PTPRG: variants seen among roughly 807,000 people sequenced by gnomAD.
The protein encoded by PTPRG is protein tyrosine phosphatase receptor type G, also known as receptor-type tyrosine-protein phosphatase gamma.
Under a neutral mutation model 165.3 loss-of-function variants are expected in PTPRG, and 102 were observed. The observed-to-expected ratio is 0.62, with a 90% confidence interval of 0.53 to 0.73. PTPRG has a LOEUF of 0.73. Ranked by LOEUF, PTPRG falls within the 30% of genes least tolerant of loss-of-function variation. The probability of loss-of-function intolerance (pLI) is 0.00; values close to 1 mark genes in which losing one functional copy is unlikely to be tolerated. For synonymous variants in PTPRG, 675 were observed against 669.5 expected, an observed-to-expected ratio of 1.01 and a Z score of -0.13; for missense variants, 1,866 against 1,861.4, an observed-to-expected ratio of 1.00 and a Z score of -0.05.
intron 3 of PTPRG, among the ~76,000 whole-genome samples, chr3:61,998,939 A>T (rs1186499055): frequency 6.6e-6 from 1 of 152,222 alleles, no homozygotes; most frequent in East Asian, 1.9e-4. Context: ...TGGAGGTCCA[A>T]GATTAAGGCA....
At chr3:61,828,799 A>G (rs896061709) in intron 2 of PTPRG, among the ~76,000 whole-genome samples, 3 of 152,214 alleles carry the variant, frequency 2.0e-5, no homozygotes, top group Non-Finnish European at 2.9e-5. Context: ...GCACAGTGAC[A>G]GGGATTATGT....
intron 2 of PTPRG, among the ~76,000 whole-genome samples, chr3:61,915,424 C>A (rs965661992): frequency 6.6e-6 from 1 of 152,086 alleles, no homozygotes; most frequent in Admixed American, 6.5e-5. Flanking sequence ...CTGTTGACTT[C>A]AATATGGCAG....
chr3:61,767,487 T>C (rs1020202873), intron 2 of PTPRG, among the ~76,000 whole-genome samples: 5 of 152,304 alleles, frequency 3.3e-5, no homozygotes, highest in African/African-American at 9.6e-5. Context: ...CTTGGCAGAA[T>C]ATGTTTTACA....
At chr3:62,104,500 CTTTA>C (rs1702406146) in intron 5 of PTPRG, among the ~76,000 whole-genome samples, 3 of 152,180 alleles carry the variant, frequency 2.0e-5, no homozygotes. Context: ...ATTATCTTGA[CTTTA>C]TTTATTTGCT....
chr3:61,861,377 C>G (rs137926796), intron 2 of PTPRG, among the ~76,000 whole-genome samples: 4 of 152,124 alleles, frequency 2.6e-5, no homozygotes, highest in African/African-American at 9.7e-5. Context: ...CAAAATCCCA[C>G]GAAGGCATTG....
intron 5 of PTPRG, among the ~76,000 whole-genome samples, chr3:62,106,238 G>T (rs775218078): frequency 1.3e-5 from 2 of 152,118 alleles, no homozygotes; most frequent in African/African-American, 2.4e-5. Context: ...GTTGGGGAGG[G>T]CATCACCAAT....
intron 2 of PTPRG, among the ~76,000 whole-genome samples, chr3:61,902,828 G>A (rs1331862098): frequency 6.6e-6 from 1 of 152,040 alleles, no homozygotes; most frequent in Non-Finnish European, 1.5e-5. Flanking sequence ...ATATATCAGT[G>A]AACAAAATAG....
chr3:61,987,983 G>T (rs1430388041), intron 2 of PTPRG, among the ~76,000 whole-genome samples: 1 of 152,120 alleles, frequency 6.6e-6, no homozygotes, highest in Non-Finnish European at 1.5e-5. Flanking sequence ...TGACAAAGAG[G>T]TAAAAAAATA....
intron 16 of PTPRG, among the ~76,000 whole-genome samples, chr3:62,261,425 G>C (rs920821179): frequency 1.3e-5 from 2 of 152,124 alleles, no homozygotes; most frequent in Admixed American, 6.6e-5. Flanking sequence ...TCATTTTAGA[G>C]AAGAGCCAAA....
chr3:61,848,175 A>G (rs2036858475), intron 2 of PTPRG, among the ~76,000 whole-genome samples: 2 of 152,164 alleles, frequency 1.3e-5, no homozygotes, highest in Non-Finnish European at 2.9e-5. Context: ...GCCTCATGCT[A>G]CAGGACTGGC....
chr3:61,863,255 C>T (rs1032775187), intron 2 of PTPRG, among the ~76,000 whole-genome samples: 1 of 152,204 alleles, frequency 6.6e-6, no homozygotes, highest in Non-Finnish European at 1.5e-5. Context: ...TTCTTCACTC[C>T]TCTTCTTTAA....
chr3:61,756,806 A>G (rs538391932), intron 2 of PTPRG, among the ~76,000 whole-genome samples: 29 of 152,274 alleles, frequency 1.9e-4, no homozygotes, highest in East Asian at 9.7e-4. Context: ...CAAGATTTCA[A>G]TTGTTGCTGT....
At chr3:61,665,201 A>G (rs1702777517) in intron 1 of PTPRG, among the ~76,000 whole-genome samples, 1 of 152,188 alleles carries the variant, frequency 6.6e-6, no homozygotes, top group Admixed American at 6.5e-5. Flanking sequence ...ATTCAGAAGT[A>G]GAGACCTAGA....
chr3:61,573,298 A>G (rs1429221558), intron 1 of PTPRG, among the ~76,000 whole-genome samples: 1 of 152,202 alleles, frequency 6.6e-6, no homozygotes, highest in Non-Finnish European at 1.5e-5. Context: ...ATAGAGTAGG[A>G]TCTGAGTACA....
At chr3:62,200,042 G>A (rs1025243669) in intron 10 of PTPRG, among the ~76,000 whole-genome samples, 11 of 152,094 alleles carry the variant, frequency 7.2e-5, no homozygotes, top group Non-Finnish European at 4.4e-5. Flanking sequence ...TGAAGTATCC[G>A]GAGCAGTCAG....
intron 2 of PTPRG, among the ~76,000 whole-genome samples, chr3:61,793,330 AAGCAAGGCTAATG>A (rs1038032259): frequency 3.9e-5 from 6 of 152,148 alleles, no homozygotes; most frequent in African/African-American, 1.4e-4. Context: ...ATGTGTCTCA[AAGCAAGGCTAATG>A]AGCATCTTTT....
intron 1 of PTPRG, among the ~76,000 whole-genome samples, chr3:61,697,568 G>T (rs776662014): frequency 6.6e-6 from 1 of 152,188 alleles, no homozygotes; most frequent in Non-Finnish European, 1.5e-5. Flanking sequence ...AGCTTTGAGG[G>T]ATTACCTGGA....
intron 3 of PTPRG, among the ~76,000 whole-genome samples, chr3:61,996,443 G>C (rs925601837): frequency 6.6e-6 from 1 of 152,156 alleles, no homozygotes; most frequent in African/African-American, 2.4e-5. Flanking sequence ...TTTACTCTGA[G>C]TTTTGTTTAT....
intron 1 of PTPRG, among the ~76,000 whole-genome samples, chr3:61,680,077 C>T (rs1041767360): frequency 6.6e-6 from 1 of 152,142 alleles, no homozygotes; most frequent in African/African-American, 2.4e-5. Context: ...GCAGAGCAAA[C>T]CAGAGCAGTT....
Sources: allele counts gnomAD v4.1 joint callset (sites outside exome capture counted in the v4.1 genomes callset), GRCh38; gene constraint gnomAD v4.1.1; transcripts MANE v1.5; gene names NCBI Gene and HGNC (gene_info 2026-07-23, HGNC 2026-07-21).